TTL: variants seen among roughly 807,000 people sequenced by gnomAD.
TTL encodes the protein tubulin--tyrosine ligase.
A neutral mutation model predicts 41.1 loss-of-function variants in TTL; 10 were observed. The observed-to-expected ratio is 0.24, with a 90% confidence interval of 0.15 to 0.41. TTL has a LOEUF of 0.41. Among genes scored for constraint, TTL ranks in the 10% least tolerant of loss-of-function variants. The pLI is 1.00. For missense variants in TTL, 367 were observed against 460.4 expected (o/e 0.80, Z 1.86); for synonymous variants, 175 against 175.5 (o/e 1.00, Z 0.02).
chr2:112,489,260 A>C (rs376121370), intron 2 of TTL, among the ~76,000 whole-genome samples: 3 of 152,226 alleles, frequency 2.0e-5, no homozygotes, highest in East Asian at 3.8e-4. Context: ...TCTTAATTCA[A>C]ACAGTAAATT....
chr2:112,491,375 A>G (rs374544229), intron 2 of TTL, among the ~76,000 whole-genome samples: 32 of 152,336 alleles, frequency 2.1e-4, no homozygotes, highest in East Asian at 9.6e-4. Context: ...CAAAGTATTA[A>G]TTGGACAGCA....
intron 5 of TTL, among the ~76,000 whole-genome samples, chr2:112,514,325 T>A (rs1027201579): frequency 3.3e-5 from 5 of 151,264 alleles, no homozygotes; most frequent in African/African-American, 1.2e-4. Flanking sequence ...GAAGTTGCAG[T>A]GAGCCAAAAT....
intron 5 of TTL, among the ~76,000 whole-genome samples, chr2:112,517,770 C>G (rs1382868150): frequency 6.6e-6 from 1 of 151,088 alleles, no homozygotes; most frequent in East Asian, 2.1e-4. Flanking sequence ...TGACAAACCT[C>G]TGTCTCCAAA....
chr2:112,517,539 G>A (rs1682102151), intron 5 of TTL, among the ~76,000 whole-genome samples: 1 of 151,618 alleles, frequency 6.6e-6, no homozygotes, highest in Non-Finnish European at 1.5e-5. Flanking sequence ...ATGAGCCACT[G>A]TGTCCAGCCC....
intron 5 of TTL, among the ~76,000 whole-genome samples, chr2:112,510,269 A>G (rs1396917048): frequency 6.6e-6 from 1 of 152,118 alleles, no homozygotes; most frequent in Non-Finnish European, 1.5e-5. Context: ...AGCTGGGACT[A>G]CAGGTATACA....
At chr2:112,501,865 T>A (rs978740337) in intron 4 of TTL, among the ~76,000 whole-genome samples, 1 of 17,626 alleles carries the variant, frequency 5.7e-5, no homozygotes, top group Non-Finnish European at 1.5e-4. Flanking sequence ...GACTCCTGTG[T>A]CAAAAAAAAA....
rs1421180073 is a variant in TTL at position 112,485,015 on chromosome 2, T to A, written c.158-902T>A. On this transcript the variant is annotated intron_variant, in intron 1 of 6. Coordinates refer to ENST00000233336, the MANE Select transcript of TTL (RefSeq NM_153712.5). Reference sequence around the variant, plus strand: ...CCCAGGCTGGAGTGCAGTGGTGGGATCTTGGCTCACTGCAACCTCTGCCTC... The same window carrying A: ...CCCAGGCTGGAGTGCAGTGGTGGGAACTTGGCTCACTGCAACCTCTGCCTC... Among the ~76,000 whole-genome samples the A allele has an allele frequency of 7.9e-5, 12 of 152,324 alleles. No homozygotes were observed. The South Asian group carries it at 2.5e-3, about 32-fold the overall frequency.
chr2:112,526,011 G>A (rs1280459568), intron 6 of TTL, among the ~76,000 whole-genome samples: 1 of 151,802 alleles, frequency 6.6e-6, no homozygotes, highest in Non-Finnish European at 1.5e-5. Flanking sequence ...GTTGAATTTT[G>A]TCAAAGGCCT....
At chr2:112,485,721 T>C (rs1279172640) in intron 1 of TTL, among the ~76,000 whole-genome samples, 196 bp from the exon 2 acceptor site, 1 of 152,078 alleles carries the variant, frequency 6.6e-6, no homozygotes. Flanking sequence ...ATATCCACTG[T>C]GGGGAGAATG....
At chr2:112,519,536 C>T (rs902914460) in intron 5 of TTL, among the ~76,000 whole-genome samples, 3 of 147,992 alleles carry the variant, frequency 2.0e-5, no homozygotes, top group Non-Finnish European at 4.4e-5. Context: ...CTAGCGACAT[C>T]GTGAGGTCAA....
intron 5 of TTL, among the ~76,000 whole-genome samples, chr2:112,516,191 T>C (rs926192592): frequency 6.6e-6 from 1 of 152,230 alleles, no homozygotes; most frequent in Non-Finnish European, 1.5e-5. Flanking sequence ...CTGTGTAATA[T>C]TCCATTGTAT....
rs1486879561 is a variant in TTL, at chr2:112,540,240, C to A, written c.*11445C>A. On this transcript the variant is annotated 3_prime_UTR_variant, in exon 7 of 7. Coordinates refer to ENST00000233336, the MANE Select transcript of TTL (RefSeq NM_153712.5). ...ATTACTTGAGGTCAGGAATTCAAGA[C>A]CAGCTTGGCCAACATGGTAAAACCC... 6.6e-6 allele frequency: 1 copy of A among 152,098 alleles called. No homozygotes were observed. Among genetic ancestry groups the A allele is most frequent in the East Asian group, 1.9e-4 (1 of 5,192 alleles). The allele number at this position is 152,098 out of a possible 1,614,324, so 9.4% of individuals were successfully genotyped here.
At chr2:112,528,609 C>CA (rs1682424422) in intron 6 of TTL, 72 bp from the exon 7 acceptor site, 2 of 1,367,892 alleles carry the variant, frequency 1.5e-6, no homozygotes, top group East Asian at 2.3e-5. Context: ...GTCTCAAAAA[C>CA]AAAAAACATC....
Position 112,528,746 on chromosome 2 carries a change from C to T in TTL, c.1085C>T (p.Pro362Leu). 6 of 1,614,176 alleles carry T rather than the reference C, an allele frequency of 3.7e-6. No individual in the cohort carries two copies. The highest frequency in any genetic ancestry group is 5.1e-6 in the Non-Finnish European group (6 of 1,180,016). ...DIAISSVFPP[P>L]DVEQPQTQPA... is the part of the protein sequence containing the mutation. ...GCCATTTCCAGTGTCTTCCCACCCC[C>T]AGATGTGGAGCAACCTCAGACCCAG... is the stretch of plus-strand genomic sequence containing the variant. Residue 362 changes from proline to leucine, a missense_variant, in exon 7 of 7, where the codon CCA becomes CTA. Coordinates refer to ENST00000233336, the MANE Select transcript of TTL (RefSeq NM_153712.5).
intron 5 of TTL, among the ~76,000 whole-genome samples, chr2:112,511,445 T>TTTTATC (rs1278591438): frequency 6.6e-6 from 1 of 152,138 alleles, no homozygotes; most frequent in Non-Finnish European, 1.5e-5. Context: ...CTCCTTTCAA[T>TTTTATC]TTTATCTGTT....
chr2:112,484,939 CAA>C (rs1681200610), intron 1 of TTL, among the ~76,000 whole-genome samples: 1 of 152,136 alleles, frequency 6.6e-6, no homozygotes, highest in Non-Finnish European at 1.5e-5. Flanking sequence ...AGATTTGAAA[CAA>C]AACATTTTTT....
At position 112,540,659 on chromosome 2, in the gene TTL, G is replaced by A. The variant is rs913998397; in HGVS notation, c.*11864G>A. The A allele has an allele frequency of 6.6e-6, 1 of 152,202 alleles. No individual in the cohort carries two copies. Among genetic ancestry groups the A allele is most frequent in the Non-Finnish European group, 1.5e-5 (1 of 68,044 alleles). The allele number at this position is 152,202 out of a possible 1,614,324, so 9.4% of individuals were successfully genotyped here. On this transcript the variant is annotated 3_prime_UTR_variant, in exon 7 of 7. Coordinates refer to ENST00000233336, the MANE Select transcript of TTL (RefSeq NM_153712.5). ...ACATACAGATCAAGAGAATAGAACT[G>A]AGAGTCAAAAATAAACCCTTGCATC... is the stretch of plus-strand genomic sequence containing the variant.
rs1454167716 is a variant in TTL, at chr2:112,528,920, T to C, written c.*125T>C. 4 of 772,228 alleles carry C rather than the reference T, an allele frequency of 5.2e-6. No homozygotes were observed. The highest frequency in any genetic ancestry group is 4.5e-5 in the Admixed American group (2 of 44,642). The allele number at this position is 772,228 out of a possible 1,614,324, so 47.8% of individuals were successfully genotyped here. ...AGAAAGGCAACTCGCAAAGATGAGA[T>C]GGAAGAAGGCACGTGAGCAGAGGAG... On this transcript the variant is annotated 3_prime_UTR_variant, in exon 7 of 7. Transcript: ENST00000233336.
chr2:112,530,675 CT>C lies in TTL; in HGVS notation c.*1884del. On this transcript the variant is annotated 3_prime_UTR_variant, in exon 7 of 7. Transcript: ENST00000233336. ...CATGCTAACAGAGGTTTGTAATTATCTTTTGGACCCAAATTATAGAGACATT... is the reference window on the plus strand; with the variant it reads ...CATGCTAACAGAGGTTTGTAATTATCTTTGGACCCAAATTATAGAGACATT... 4.6e-6 allele frequency: 1 copy of C among 218,280 alleles called. No individual in the cohort carries two copies. Among genetic ancestry groups the C allele is most frequent in the Non-Finnish European group, 9.2e-6 (1 of 108,572 alleles). The allele number at this position is 218,280 out of a possible 1,614,324, so 13.5% of individuals were successfully genotyped here.
Sources: gnomAD v4.1 joint callset for allele counts (sites outside exome capture counted in the v4.1 genomes callset) on GRCh38, gnomAD v4.1.1 for gene constraint, MANE v1.5 for transcripts, NCBI Gene and HGNC (gene_info 2026-07-23, HGNC 2026-07-21) for gene names.